POGLUT2: variants seen among roughly 807,000 people sequenced by gnomAD.
POGLUT2 encodes the protein ER protein 58.
In POGLUT2, 47 loss-of-function variants were observed where a neutral mutation model predicts 57.6. The observed-to-expected ratio is 0.82, with a 90% CI of 0.65 to 1.04. The LOEUF (loss-of-function observed/expected upper bound fraction) is 1.04, where lower values mean the gene tolerates loss of function less well. Among genes scored for constraint, POGLUT2 ranks in the 50% least tolerant of loss-of-function variants. POGLUT2 has a pLI of 0.00. For synonymous variants in POGLUT2, 200 were observed against 218.8 expected, an observed-to-expected ratio of 0.91 and a Z score of 0.76; for missense variants, 565 against 614.8, an observed-to-expected ratio of 0.92 and a Z score of 0.86.
chr13:102,787,087 C>T (rs1007247060), intron 8 of POGLUT2, among the ~76,000 whole-genome samples: 20 of 151,914 alleles, frequency 1.3e-4, no homozygotes, highest in African/African-American at 4.8e-4. Flanking sequence ...ACTCTTGTCA[C>T]CCAGGCTGGA....
Position 102,798,515 on chromosome 13 carries a change from A to T in POGLUT2, c.156T>A (p.Ile52=). ...DVVLPARYFY[I]QAVDTSGNKF... ...TATTCCCTGATGTATCCACTGCCTGAATATAGAAATAGCGGGCGGGAAGGA... is the reference window on the plus strand; with the variant it reads ...TATTCCCTGATGTATCCACTGCCTGTATATAGAAATAGCGGGCGGGAAGGA... Residue 52 remains isoleucine (I), a synonymous_variant, in exon 1 of 10, where the codon ATT becomes ATA. Transcript: ENST00000376004. The T allele has an allele frequency of 6.2e-7, 1 of 1,611,808 alleles. No homozygotes were observed. The highest frequency in any genetic ancestry group is 1.3e-5 in the African/African-American group (1 of 74,864).
chr13:102,793,436 A>G lies in POGLUT2; in HGVS notation c.595-18T>C. 2 of 1,518,508 alleles carry G rather than the reference A, an allele frequency of 1.3e-6. No individual in the cohort carries two copies. The highest frequency in any genetic ancestry group is 1.7e-4 in the Middle Eastern group (1 of 5,748). The allele number at this position is 1,518,508 out of a possible 1,614,324, so 94.1% of individuals were successfully genotyped here. On this transcript the variant is annotated intron_variant, in intron 3 of 9. Transcript: ENST00000376004. ...ATATAAACCTAAAAGAGAATTTACC[A>G]TTTATTATGTTAGTCTAAAGACGCT... is the stretch of plus-strand genomic sequence containing the variant.
In POGLUT2 at chr13:102,798,740, A is replaced by C. The variant is rs932001716; in HGVS notation, c.-70T>G. 92 of 1,412,758 alleles carry C rather than the reference A, an allele frequency of 6.5e-5. 1 individual carries two copies. In the Middle Eastern group the frequency reaches 2.7e-3, roughly 41 times the overall value. The allele number at this position is 1,412,758 out of a possible 1,614,324, so 87.5% of individuals were successfully genotyped here. On this transcript the variant is annotated 5_prime_UTR_variant, in exon 1 of 10. Coordinates refer to ENST00000376004, the MANE Select transcript of POGLUT2 (RefSeq NM_024089.3). ...TGTAAGAGGTGGACAGAAGCAGCCGAGCCTTCGGCAGGGACCCGCCGGCCG... is the reference window on the plus strand; with the variant it reads ...TGTAAGAGGTGGACAGAAGCAGCCGCGCCTTCGGCAGGGACCCGCCGGCCG...
At chr13:102,788,706 G>T (rs1412224896) in intron 7 of POGLUT2, among the ~76,000 whole-genome samples, 1 of 152,182 alleles carries the variant, frequency 6.6e-6, no homozygotes, top group African/African-American at 2.4e-5. Context: ...GGCTGGTCTT[G>T]AACTCCTGAC....
rs1193621259 is a variant in POGLUT2 at position 102,789,179 on chromosome 13, G to T, written c.1126C>A (p.Arg376Ser). ...INIDGTVAAY[R>S]LPYLLVGDSV... is the part of the protein sequence containing the mutation. Reference sequence around the variant, plus strand: ...TCACCAACTAGCAAATATGGCAGGCGATAAGCTGCTACAGTGCCATCGATA... The same window carrying T: ...TCACCAACTAGCAAATATGGCAGGCTATAAGCTGCTACAGTGCCATCGATA... Residue 376 changes from arginine (R) to serine (S), a missense_variant, in exon 7 of 10, where the codon CGC becomes AGC. Physicochemically the swap from Arg to Ser is moderately radical, Grantham distance 110 (BLOSUM62 -1). Transcript: ENST00000376004. 1 of 1,614,160 alleles carries T rather than the reference G, an allele frequency of 6.2e-7. No individual in the cohort carries two copies. The highest frequency in any genetic ancestry group is 2.2e-5 in the East Asian group (1 of 44,888).
chr13:102,798,485 T>C lies in POGLUT2; in HGVS notation c.182+4A>G. The C allele has an allele frequency of 6.4e-7, 1 of 1,558,156 alleles. No individual in the cohort carries two copies. The highest frequency in any genetic ancestry group is 8.7e-7 in the Non-Finnish European group (1 of 1,150,068). On this transcript the variant is annotated splice_donor_region_variant and intron_variant, in intron 1 of 9. Transcript: ENST00000376004. ...AATAGGTAAGGAGCCGTTTCTCGAC[T>C]TACTTATTCCCTGATGTATCCACTG...
intron 1 of POGLUT2, among the ~76,000 whole-genome samples, chr13:102,798,194 G>A (rs928963101): frequency 1.3e-5 from 2 of 152,166 alleles, no homozygotes; most frequent in African/African-American, 2.4e-5. Flanking sequence ...TAGCTTATGC[G>A]AAAAGTAGTT....
At chr13:102,790,646 G>A (rs1410746068) in intron 6 of POGLUT2, among the ~76,000 whole-genome samples, 1 of 152,076 alleles carries the variant, frequency 6.6e-6, no homozygotes, top group Non-Finnish European at 1.5e-5. Context: ...TTATCTCAAG[G>A]GTTAGCTGGA....
Position 102,798,501 on chromosome 13 carries a change from G to A in POGLUT2, c.170C>T (p.Thr57Ile), listed in dbSNP as rs1595316612. ...ARYFYIQAVD[T>I]SGNKFTSSPG... ...TTTCTCGACTTACTTATTCCCTGAT[G>A]TATCCACTGCCTGAATATAGAAATA... Residue 57 changes from threonine to isoleucine, a missense_variant, in exon 1 of 10, where the codon ACA becomes ATA. Physicochemically the swap from Thr to Ile is moderately conservative, Grantham distance 89 (BLOSUM62 -1). Coordinates refer to ENST00000376004, the MANE Select transcript of POGLUT2 (RefSeq NM_024089.3). 1 of 1,604,934 alleles carries A rather than the reference G, an allele frequency of 6.2e-7. No homozygotes were observed. The highest frequency in any genetic ancestry group is 8.5e-7 in the Non-Finnish European group (1 of 1,175,600).
chr13:102,798,682 A>C lies in POGLUT2; in HGVS notation c.-12T>G. 6.4e-7 allele frequency: 1 copy of C among 1,569,996 alleles called. No homozygotes were observed. The highest frequency in any genetic ancestry group is 8.7e-7 in the Non-Finnish European group (1 of 1,155,258). ...AAAGTGCCAAACATTTACAAGACGG[A>C]CTCTCGAAATGATCCACCGATAAAT... On this transcript the variant is annotated 5_prime_UTR_variant, in exon 1 of 10. Coordinates refer to ENST00000376004, the MANE Select transcript of POGLUT2 (RefSeq NM_024089.3).
At chr13:102,796,698 AAATAT>A (rs869132072) in intron 2 of POGLUT2, 101 bp downstream of exon 2, 258 of 130,728 alleles carry the variant, frequency 2.0e-3, no homozygotes, top group African/African-American at 3.4e-3. Context: ...AAAAAAAAAA[AAATAT>A]ATATATATAT....
chr13:102,796,300 A>AT (rs1347607370), intron 2 of POGLUT2, among the ~76,000 whole-genome samples: 220 of 139,184 alleles, frequency 1.6e-3, no homozygotes, highest in African/African-American at 5.7e-3. Flanking sequence ...CCTCAAAAAA[A>AT]AAAAAAAAAA....
intron 2 of POGLUT2, among the ~76,000 whole-genome samples, chr13:102,795,250 CAA>C (rs58015405): frequency 6.1e-4 from 26 of 42,656 alleles, no homozygotes; most frequent in African/African-American, 1.3e-3. Flanking sequence ...GACATCGTCT[CAA>C]AAAAAAAAAA....
Position 102,789,000 on chromosome 13 carries a change from G to C in POGLUT2, c.1293+12C>G, listed in dbSNP as rs768285595. On this transcript the variant is annotated intron_variant, in intron 7 of 9. Transcript: ENST00000376004. ...ACAAGTGGAAATAAGCCTTCAAGGG[G>C]ACTAACCTTACCTCTTCATCGTGAT... 3 of 1,606,870 alleles carry C rather than the reference G, an allele frequency of 1.9e-6. No homozygotes were observed. The East Asian group carries it at 6.7e-5, about 36-fold the overall frequency.
chr13:102,798,620 T>C lies in POGLUT2; in HGVS notation c.51A>G (p.Ala17=). The C allele has an allele frequency of 1.2e-6, 2 of 1,611,782 alleles. No individual in the cohort carries two copies. Among genetic ancestry groups the C allele is most frequent in the Admixed American group, 1.7e-5 (1 of 59,576 alleles). Residue 17 remains alanine (A), a synonymous_variant, in exon 1 of 10, where the codon GCA becomes GCG. Coordinates refer to ENST00000376004, the MANE Select transcript of POGLUT2 (RefSeq NM_024089.3). ...LYCFFLATVP[A]LAETGGERQL... ...GCCTTTCTCCGCCGGTCTCGGCGAGTGCTGGAACTGTCGCCAGAAAGAAGC... is the reference window on the plus strand; with the variant it reads ...GCCTTTCTCCGCCGGTCTCGGCGAGCGCTGGAACTGTCGCCAGAAAGAAGC...
Position 102,791,070 on chromosome 13 carries a change from G to A in POGLUT2, c.914C>T (p.Ala305Val), listed in dbSNP as rs1878148986. Residue 305 changes from alanine (A) to valine (V), a missense_variant, in exon 6 of 10, where the codon GCC becomes GTC. Coordinates refer to ENST00000376004, the MANE Select transcript of POGLUT2 (RefSeq NM_024089.3). ...GPPWESKNST[A>V]VWRGRDSRKE... Reference sequence around the variant, plus strand: ...GCGGCTGTCTCGCCCTCTCCAGACGGCAGTGGAATTTTTGCTTTCCCAGGG... The same window carrying A: ...GCGGCTGTCTCGCCCTCTCCAGACGACAGTGGAATTTTTGCTTTCCCAGGG... 3 of 1,614,150 alleles carry A rather than the reference G, an allele frequency of 1.9e-6. No individual in the cohort carries two copies. The highest frequency in any genetic ancestry group is 1.3e-5 in the African/African-American group (1 of 75,034).
chr13:102,784,656 G>A, intron 9 of POGLUT2, 144 bp from the exon 10 acceptor site: 1 of 607,604 alleles, frequency 1.6e-6, no homozygotes, highest in Non-Finnish European at 3.0e-6. Context: ...ACTATTTCCA[G>A]AGGCCCAGAG....
intron 2 of POGLUT2, 93 bp from the exon 3 acceptor site, chr13:102,793,899 T>C (rs1566438391): frequency 8.7e-7 from 1 of 1,150,346 alleles, no homozygotes; most frequent in Non-Finnish European, 1.3e-6. Context: ...TTCATGAATT[T>C]TGCTTAGTTA....
chr13:102,791,183 C>T (rs770003465), intron 5 of POGLUT2, 45 bp from the exon 6 acceptor site: 3 of 1,607,722 alleles, frequency 1.9e-6, no homozygotes, highest in South Asian at 1.1e-5. Context: ...ATCATCATAT[C>T]ACAAAGGTTG....
Sources: gnomAD v4.1 joint callset for allele counts (sites outside exome capture counted in the v4.1 genomes callset) on GRCh38, gnomAD v4.1.1 for gene constraint, MANE v1.5 for transcripts, NCBI Gene and HGNC (gene_info 2026-07-23, HGNC 2026-07-21) for gene names.